ASTN2: variants seen among roughly 807,000 people sequenced by gnomAD.
ASTN2 encodes the protein astrotactin-2.
A neutral mutation model predicts 139.8 loss-of-function variants in ASTN2; 54 were observed. The ratio of observed to expected loss-of-function variants is 0.39; its 90% CI spans 0.31 to 0.48. The LOEUF is 0.48. Among genes scored for constraint, ASTN2 ranks in the 20% least tolerant of loss-of-function variants. The pLI is 0.95. For missense variants in ASTN2, 1,565 were observed against 1,725.1 expected (o/e 0.91, Z 1.64); for synonymous variants, 756 against 719.5 (o/e 1.05, Z -0.81).
At chr9:116,636,391 C>T (rs1344612892) in intron 17 of ASTN2, among the ~76,000 whole-genome samples, 1 of 152,174 alleles carries the variant, frequency 6.6e-6, no homozygotes, top group African/African-American at 2.4e-5. Context: ...TGTACTTAGA[C>T]TTGCTGGGTG....
At chr9:117,275,018 C>A (rs1199492533) in intron 2 of ASTN2, among the ~76,000 whole-genome samples, 1 of 152,210 alleles carries the variant, frequency 6.6e-6, no homozygotes, top group African/African-American at 2.4e-5. Flanking sequence ...GGCTTTTCAT[C>A]CAGAAAATGA....
rs186197692 is a variant in ASTN2 at position 117,130,044 on chromosome 9, C to T, written c.1168+11282G>A. On this transcript the variant is annotated intron_variant, in intron 4 of 22. Coordinates refer to ENST00000313400, the MANE Select transcript of ASTN2 (RefSeq NM_001365068.1). Reference sequence around the variant, plus strand: ...TCACAGGGCCAGGCATGGTGGCACACGCCTGTAATCCCAGCAATTTGGGAG... The same window carrying T: ...TCACAGGGCCAGGCATGGTGGCACATGCCTGTAATCCCAGCAATTTGGGAG... Among the ~76,000 whole-genome samples, 221 of 152,250 alleles carry T rather than the reference C, an allele frequency of 1.5e-3. 2 individuals are homozygous for T. The highest frequency in any genetic ancestry group is 5.2e-3 in the African/African-American group (215 of 41,542).
intron 20 of ASTN2, among the ~76,000 whole-genome samples, chr9:116,478,110 AG>A (rs1283089528): frequency 1.6e-5 from 2 of 123,538 alleles, no homozygotes; most frequent in African/African-American, 3.0e-5. Flanking sequence ...AAAGAGAGGG[AG>A]GGGGTAGGGA....
chr9:116,935,879 T>A (rs1444806016), intron 10 of ASTN2, among the ~76,000 whole-genome samples: 1 of 152,084 alleles, frequency 6.6e-6, no homozygotes, highest in African/African-American at 2.4e-5. Context: ...CTAAATTTAA[T>A]CTTTATATGA....
At chr9:116,708,247 G>A (rs1828046905) in intron 16 of ASTN2, among the ~76,000 whole-genome samples, 1 of 152,084 alleles carries the variant, frequency 6.6e-6, no homozygotes, top group Non-Finnish European at 1.5e-5. Context: ...AGAATGAATG[G>A]CATCTCACAG....
chr9:117,353,150 T>C (rs1161635928), intron 1 of ASTN2, among the ~76,000 whole-genome samples: 1 of 152,064 alleles, frequency 6.6e-6, no homozygotes, highest in Non-Finnish European at 1.5e-5. Flanking sequence ...CACTTAAAAA[T>C]GGTTAAAATG....
At chr9:117,327,218 T>G (rs1177702756) in intron 1 of ASTN2, among the ~76,000 whole-genome samples, 1 of 152,164 alleles carries the variant, frequency 6.6e-6, no homozygotes, top group East Asian at 1.9e-4. Flanking sequence ...CCTCCTGCTG[T>G]GCCATCTGGT....
At chr9:117,328,643 G>T (rs957738225) in intron 1 of ASTN2, among the ~76,000 whole-genome samples, 2 of 152,176 alleles carry the variant, frequency 1.3e-5, no homozygotes, top group Admixed American at 1.3e-4. Flanking sequence ...CTGCTTAGTG[G>T]CCTCATTTTT....
chr9:116,584,832 T>G (rs1440529849), intron 19 of ASTN2: 1 of 152,214 alleles, frequency 6.6e-6, no homozygotes, highest in Non-Finnish European at 1.5e-5. Context: ...TGGAGGCATG[T>G]TACCAGTGCA....
At chr9:117,412,699 C>T (rs191761416) in intron 1 of ASTN2, among the ~76,000 whole-genome samples, 238 of 152,198 alleles carry the variant, frequency 1.6e-3, no homozygotes, top group Admixed American at 3.6e-3. Context: ...GGATTTCCAC[C>T]CCTCATCTCT....
intron 4 of ASTN2, among the ~76,000 whole-genome samples, chr9:117,122,599 A>T (rs557923253): frequency 2.6e-5 from 4 of 152,240 alleles, no homozygotes; most frequent in African/African-American, 9.6e-5. Context: ...GGGGAAAGAG[A>T]AGAGATTTAA....
At chr9:116,481,969 T>A (rs1008863508) in intron 20 of ASTN2, among the ~76,000 whole-genome samples, 12 of 152,118 alleles carry the variant, frequency 7.9e-5, no homozygotes, top group Admixed American at 2.6e-4. Flanking sequence ...TTATGTGACA[T>A]TGGGGAAAAT....
In ASTN2 at chr9:116,446,882, T is replaced by G. The variant is rs1848016088; in HGVS notation, c.3498-4329A>C. ...AAACACACTGTGTGGGAAAATGCCT[T>G]GGGATAACTACTCCGAAGTATTTTT... On this transcript the variant is annotated intron_variant, in intron 20 of 22. Transcript: ENST00000313400. Among the ~76,000 whole-genome samples the G allele has an allele frequency of 2.0e-5, 3 of 152,156 alleles. No individual in the cohort carries two copies. The East Asian group carries it at 5.8e-4, about 29-fold the overall frequency.
intron 1 of ASTN2, among the ~76,000 whole-genome samples, chr9:117,296,000 C>T (rs576836421): frequency 6.6e-6 from 1 of 152,014 alleles, no homozygotes; most frequent in East Asian, 1.9e-4. Flanking sequence ...TAGTTCAGGG[C>T]CTGGCGTGGT....
chr9:116,728,849 T>C (rs528596485), intron 15 of ASTN2, 143 bp downstream of exon 15: 211 of 676,186 alleles, frequency 3.1e-4, no homozygotes, highest in Non-Finnish European at 4.9e-4. Flanking sequence ...CCACCCTCCC[T>C]AGGACTCCTT....
At chr9:116,504,114 C>T (rs4836730) in intron 19 of ASTN2, among the ~76,000 whole-genome samples, 2 of 152,112 alleles carry the variant, frequency 1.3e-5, no homozygotes, top group Admixed American at 1.3e-4. Flanking sequence ...CTATAGGGTG[C>T]CTCTGTGCAA....
intron 10 of ASTN2, among the ~76,000 whole-genome samples, chr9:116,927,728 C>T (rs750750959): frequency 1.3e-5 from 2 of 152,150 alleles, no homozygotes; most frequent in Admixed American, 1.3e-4. Flanking sequence ...ATAAGCATCT[C>T]GGGGCTGGAG....
chr9:116,816,284 G>A (rs575040041), intron 12 of ASTN2, among the ~76,000 whole-genome samples: 1 of 152,306 alleles, frequency 6.6e-6, no homozygotes, highest in East Asian at 1.9e-4. Context: ...CACAGGAGGT[G>A]ATGCCCTCTC....
intron 11 of ASTN2, among the ~76,000 whole-genome samples, chr9:116,840,881 C>T (rs1403787275): frequency 6.6e-6 from 1 of 151,596 alleles, no homozygotes; most frequent in Non-Finnish European, 1.5e-5. Flanking sequence ...AGAGACGCTC[C>T]TCACTTTCCA....
Sources: allele counts gnomAD v4.1 joint callset (sites outside exome capture counted in the v4.1 genomes callset), GRCh38; gene constraint gnomAD v4.1.1; transcripts MANE v1.5; gene names NCBI Gene and HGNC (gene_info 2026-07-23, HGNC 2026-07-21).